PTPRD: variants seen among roughly 807,000 people sequenced by gnomAD.
PTPRD encodes receptor-type tyrosine-protein phosphatase delta.
Under a neutral mutation model 214.5 loss-of-function variants are expected in PTPRD, and 34 were observed. The ratio of observed to expected loss-of-function variants is 0.16; its 90% CI spans 0.12 to 0.21. The LOEUF is 0.21. Among genes scored for constraint, PTPRD ranks in the 10% least tolerant of loss-of-function variants. The pLI is 1.00. For synonymous variants in PTPRD, 1,128 were observed against 845.7 expected (o/e 1.33, Z -5.79); for missense variants, 2,545 against 2,398.7 (o/e 1.06, Z -1.27).
intron 10 of PTPRD, among the ~76,000 whole-genome samples, chr9:9,139,670 C>A (rs1361778196): frequency 6.6e-6 from 1 of 152,128 alleles, no homozygotes; most frequent in Non-Finnish European, 1.5e-5. Context: ...TTTCATCATG[C>A]TTCTCAGAAT....
chr9:10,332,263 G>A (rs1215396558), intron 3 of PTPRD, among the ~76,000 whole-genome samples: 1 of 151,778 alleles, frequency 6.6e-6, no homozygotes, highest in Non-Finnish European at 1.5e-5. Context: ...GAGATGTCAG[G>A]AGTCTTAAAA....
chr9:10,537,603 T>A (rs2058128869), intron 2 of PTPRD, among the ~76,000 whole-genome samples: 1 of 152,166 alleles, frequency 6.6e-6, no homozygotes, highest in South Asian at 2.1e-4. Flanking sequence ...ATTCCTTCTA[T>A]CCATCAAAGT....
At chr9:8,940,280 C>CCTTTGTTTTTTTTTTTT (rs763715400) in intron 11 of PTPRD, among the ~76,000 whole-genome samples, 2 of 89,044 alleles carry the variant, frequency 2.2e-5, no homozygotes, top group African/African-American at 4.4e-5. Flanking sequence ...TCTCTCTCTC[C>CCTTTGTTTTTTTTTTTT]TTTTTTTTTT....
At position 9,450,357 on chromosome 9, in the gene PTPRD, T is replaced by C. The variant is rs540842059; in HGVS notation, c.-236-52875A>G. On this transcript the variant is annotated intron_variant, in intron 8 of 45. Transcript: ENST00000381196. ...GGAATTTCCACACTGTTTTCCACAG[T>C]GGTTGTACTAGCAACATTCCCACCA... 1.3e-4 allele frequency among the ~76,000 whole-genome samples: 20 copies of C among 152,106 alleles called. No individual in the cohort carries two copies. In the South Asian group the frequency reaches 3.9e-3, roughly 30 times the overall value.
At chr9:9,899,622 T>C (rs1034551487) in intron 5 of PTPRD, among the ~76,000 whole-genome samples, 11 of 151,954 alleles carry the variant, frequency 7.2e-5, no homozygotes, top group Non-Finnish European at 1.3e-4. Flanking sequence ...AGTACAGCTA[T>C]TATGGAAAAC....
chr9:10,568,286 G>C (rs1341899971), intron 2 of PTPRD, among the ~76,000 whole-genome samples: 1 of 152,046 alleles, frequency 6.6e-6, no homozygotes, highest in East Asian at 1.9e-4. Context: ...TCCCTGCAAA[G>C]GACACGAACT....
intron 22 of PTPRD, among the ~76,000 whole-genome samples, chr9:8,505,117 T>C (rs1370761854): frequency 3.9e-5 from 6 of 152,220 alleles, no homozygotes; most frequent in African/African-American, 1.4e-4. Context: ...GGACTTTTGA[T>C]ATACGATTTC....
At chr9:8,513,262 ACTCT>A (rs921945823) in intron 21 of PTPRD, among the ~76,000 whole-genome samples, 4 of 151,800 alleles carry the variant, frequency 2.6e-5, no homozygotes, top group African/African-American at 9.7e-5. Flanking sequence ...AAGGAGAAAA[ACTCT>A]CTGACTGTAA....
At chr9:8,763,196 G>C (rs1035227645) in intron 11 of PTPRD, among the ~76,000 whole-genome samples, 5 of 152,140 alleles carry the variant, frequency 3.3e-5, no homozygotes, top group Admixed American at 2.6e-4. Context: ...AGACAGTAGA[G>C]CAGACTATAA....
At chr9:10,435,118 G>A (rs991008427) in intron 2 of PTPRD, among the ~76,000 whole-genome samples, 1 of 151,808 alleles carries the variant, frequency 6.6e-6, no homozygotes, top group African/African-American at 2.4e-5. Context: ...GGGCATTACT[G>A]CTCCAAGGAC....
intron 9 of PTPRD, among the ~76,000 whole-genome samples, chr9:9,206,623 C>T (rs2099945024): frequency 6.6e-6 from 1 of 152,168 alleles, no homozygotes; most frequent in Non-Finnish European, 1.5e-5. Flanking sequence ...TAGAATAAAG[C>T]AGACAAAAGA....
intron 11 of PTPRD, among the ~76,000 whole-genome samples, chr9:8,766,015 T>C (rs1250751403): frequency 6.6e-6 from 1 of 151,878 alleles, no homozygotes; most frequent in Non-Finnish European, 1.5e-5. Context: ...AAAATGACAA[T>C]TGGAATAGCC....
chr9:9,376,535 G>A (rs2140103241), intron 9 of PTPRD, among the ~76,000 whole-genome samples: 1 of 152,170 alleles, frequency 6.6e-6, no homozygotes, highest in Non-Finnish European at 1.5e-5. Flanking sequence ...AAAGAAATTT[G>A]GTGATAGGTA....
intron 11 of PTPRD, among the ~76,000 whole-genome samples, chr9:9,006,826 T>C (rs555549050): frequency 8.7e-4 from 133 of 152,150 alleles, no homozygotes; most frequent in African/African-American, 3.1e-3. Flanking sequence ...GGAAAAAAAC[T>C]CTATTTAATG....
intron 11 of PTPRD, among the ~76,000 whole-genome samples, chr9:8,747,745 A>C (rs1463089170): frequency 6.6e-6 from 1 of 152,170 alleles, no homozygotes; most frequent in Admixed American, 6.5e-5. Flanking sequence ...AAATTACTTA[A>C]AACCCTTCAC....
chr9:8,472,910 A>T (rs2096683236), intron 30 of PTPRD, among the ~76,000 whole-genome samples: 1 of 152,074 alleles, frequency 6.6e-6, no homozygotes, highest in South Asian at 2.1e-4. Flanking sequence ...AGAATCTGTT[A>T]TATATTCTGA....
intron 36 of PTPRD, among the ~76,000 whole-genome samples, chr9:8,390,863 A>C (rs2089292840): frequency 6.6e-6 from 1 of 152,212 alleles, no homozygotes; most frequent in African/African-American, 2.4e-5. Flanking sequence ...CTGTGAGAAG[A>C]AGAGAGGTTT....
chr9:9,822,988 A>G (rs1356190792), intron 5 of PTPRD, among the ~76,000 whole-genome samples: 1 of 152,144 alleles, frequency 6.6e-6, no homozygotes, highest in East Asian at 1.9e-4. Flanking sequence ...AAGAAAGAAA[A>G]TCAGTATACT....
chr9:9,568,636 T>A (rs139549716), intron 8 of PTPRD, among the ~76,000 whole-genome samples: 2 of 152,078 alleles, frequency 1.3e-5, no homozygotes, highest in African/African-American at 4.8e-5. Flanking sequence ...TTTTCCTACA[T>A]GCTTTCCTCT....
Sources: gnomAD v4.1 joint callset for allele counts (sites outside exome capture counted in the v4.1 genomes callset) on GRCh38, gnomAD v4.1.1 for gene constraint, MANE v1.5 for transcripts, NCBI Gene and HGNC (gene_info 2026-07-23, HGNC 2026-07-21) for gene names.